The following HOOK1 variants were observed in gnomAD, a reference collection of about 807,000 sequenced individuals.
HOOK1 encodes hook microtubule tethering protein 1, also known as protein Hook homolog 1.
Under a neutral mutation model 112.8 loss-of-function variants are expected in HOOK1, and 60 were observed. The ratio of observed to expected loss-of-function variants is 0.53; its 90% CI spans 0.43 to 0.66. HOOK1 has a LOEUF of 0.66. HOOK1 is among the 30% of genes least tolerant of loss of function. The pLI, the probability that HOOK1 is intolerant of heterozygous loss-of-function variation, is 0.00. For missense variants in HOOK1, 770 were observed against 856.0 expected (o/e 0.90, Z 1.25); for synonymous variants, 294 against 283.8 (o/e 1.04, Z -0.36).
At chr1:59,871,675 A>G (rs1644057200) in intron 21 of HOOK1, among the ~76,000 whole-genome samples, 3 of 152,196 alleles carry the variant, frequency 2.0e-5, no homozygotes, top group Non-Finnish European at 4.4e-5. Flanking sequence ...TATTTTCAAG[A>G]GTAGCATTTC....
At chr1:59,857,627 C>T (rs2098411414) in intron 12 of HOOK1, among the ~76,000 whole-genome samples, 1 of 152,180 alleles carries the variant, frequency 6.6e-6, no homozygotes, top group Middle Eastern at 3.2e-3. Flanking sequence ...TACCAGTTTA[C>T]TGCTAAATTG....
At chr1:59,842,782 AG>A in intron 8 of HOOK1, among the ~76,000 whole-genome samples, 1 of 152,148 alleles carries the variant, frequency 6.6e-6, no homozygotes, top group Non-Finnish European at 1.5e-5. Flanking sequence ...GAAAAGAAGT[AG>A]AACCAGGAGA....
chr1:59,816,610 A>G (rs1402013818), intron 1 of HOOK1, among the ~76,000 whole-genome samples: 1 of 152,242 alleles, frequency 6.6e-6, no homozygotes, highest in East Asian at 1.9e-4. Flanking sequence ...TTAAAATATT[A>G]TGTGACTGTA....
chr1:59,862,569 A>G (rs927799962), intron 15 of HOOK1, among the ~76,000 whole-genome samples: 11 of 152,198 alleles, frequency 7.2e-5, no homozygotes, highest in African/African-American at 2.4e-4. Flanking sequence ...ATGTAGGCAT[A>G]TATACTTTCA....
Position 59,858,523 on chromosome 1 carries a change from T to A in HOOK1, c.1330+8T>A, listed in dbSNP as rs1175386989. ...ACCACCTAAACCAAACAGGTTAATT[T>A]TGTTAGATTTAGAAAAGTTTCAGCC... is the stretch of plus-strand genomic sequence containing the variant. On this transcript the variant is annotated splice_region_variant and intron_variant, in intron 13 of 21. Coordinates refer to ENST00000371208, the MANE Select transcript of HOOK1 (RefSeq NM_015888.6). The A allele has an allele frequency of 6.3e-7, 1 of 1,591,946 alleles. No homozygotes were observed. Among genetic ancestry groups the A allele is most frequent in the South Asian group, 1.1e-5 (1 of 90,618 alleles).
intron 6 of HOOK1, among the ~76,000 whole-genome samples, chr1:59,835,938 C>T (rs954976724): frequency 1.3e-5 from 2 of 152,150 alleles, no homozygotes; most frequent in Admixed American, 1.3e-4. Flanking sequence ...GGACTGGTGC[C>T]AGTCCATGGC....
chr1:59,842,820 G>T (rs1368618250), intron 8 of HOOK1, among the ~76,000 whole-genome samples: 1 of 151,846 alleles, frequency 6.6e-6, no homozygotes, highest in African/African-American at 2.4e-5. Context: ...TTAAAAATAT[G>T]AATAAAAAAA....
chr1:59,850,551 G>T (rs2098406623), intron 12 of HOOK1, among the ~76,000 whole-genome samples: 1 of 151,388 alleles, frequency 6.6e-6, no homozygotes, highest in Non-Finnish European at 1.5e-5. Flanking sequence ...TGTGAGGTAG[G>T]CATCTGGCTT....
chr1:59,815,510 A>G (rs1387551421), intron 1 of HOOK1, among the ~76,000 whole-genome samples: 1 of 150,390 alleles, frequency 6.6e-6, no homozygotes, highest in Admixed American at 6.6e-5. Context: ...CCGCTGCCCC[A>G]TTTTCTCCCC....
intron 15 of HOOK1, among the ~76,000 whole-genome samples, chr1:59,861,980 C>T (rs2098413864): frequency 6.6e-6 from 1 of 152,068 alleles, no homozygotes; most frequent in South Asian, 2.1e-4. Context: ...TCTGAAGAGA[C>T]CATTAAATAT....
Position 59,859,003 on chromosome 1 carries a change from G to C in HOOK1, c.1349G>C (p.Ser450Thr), listed in dbSNP as rs1442427915. Residue 450 changes from serine (S) to threonine (T), a missense_variant, in exon 14 of 22, where the codon AGT becomes ACT. By Grantham distance (58) the Ser-to-Thr change is moderately conservative. This residue lies in a region of HOOK1 where 655 missense variants were observed against 725.9 expected (regional missense o/e 0.90). Coordinates refer to ENST00000371208, the MANE Select transcript of HOOK1 (RefSeq NM_015888.6). ...TTTTTAGATGCATCTGCTACAAAAA[G>C]TTATGAGAATCTTGCTGCTGAGATT... is the stretch of plus-strand genomic sequence containing the variant. The part of the protein sequence containing the change: ...LNQTDASATK[S>T]YENLAAEIMP... The C allele has an allele frequency of 6.3e-7, 1 of 1,576,344 alleles. No individual in the cohort carries two copies. Among genetic ancestry groups the C allele is most frequent in the Non-Finnish European group, 8.7e-7 (1 of 1,149,754 alleles).
At chr1:59,829,157 CATATA>C (rs150779334) in intron 3 of HOOK1, among the ~76,000 whole-genome samples, 2,403 of 152,134 alleles carry the variant, frequency 0.016, 73 homozygotes, top group African/African-American at 0.055. Context: ...TAAATTGAAT[CATATA>C]ATATGTACTC....
intron 4 of HOOK1, among the ~76,000 whole-genome samples, chr1:59,832,596 A>G (rs1408227966): frequency 2.0e-5 from 3 of 152,154 alleles, no homozygotes; most frequent in Admixed American, 1.3e-4. Context: ...GATTATGCTC[A>G]TACAAGTAAA....
chr1:59,849,242 C>T (rs1383467609), intron 12 of HOOK1, 59 bp downstream of exon 12: 2 of 1,118,402 alleles, frequency 1.8e-6, no homozygotes, highest in Non-Finnish European at 2.6e-6. Context: ...TTGTAATGCC[C>T]TTGCTGTTTC....
At chr1:59,820,611 T>C (rs987442995) in intron 1 of HOOK1, among the ~76,000 whole-genome samples, 12 of 152,194 alleles carry the variant, frequency 7.9e-5, no homozygotes, top group African/African-American at 2.7e-4. Context: ...CTCTAGACCT[T>C]CCATTCAGAA....
chr1:59,848,041 T>C lies in HOOK1; in HGVS notation c.930-274T>C, dbSNP rs1297657231. On this transcript the variant is annotated intron_variant, in intron 10 of 21. Transcript: ENST00000371208. Reference sequence around the variant, plus strand: ...AATCATTATTTTTTATTCATTGTGCTAATATATGAAACAGTTTGATAAATT... The same window carrying C: ...AATCATTATTTTTTATTCATTGTGCCAATATATGAAACAGTTTGATAAATT... 2.6e-5 allele frequency among the ~76,000 whole-genome samples: 4 copies of C among 151,696 alleles called. No individual in the cohort carries two copies. The Admixed American group carries it at 2.6e-4, about 10-fold the overall frequency.
intron 15 of HOOK1, among the ~76,000 whole-genome samples, 198 bp downstream of exon 15, chr1:59,860,526 A>G: frequency 6.6e-6 from 1 of 152,250 alleles, no homozygotes. Context: ...TTTCAGTTAT[A>G]TTTATAAAAT....
intron 2 of HOOK1, among the ~76,000 whole-genome samples, chr1:59,823,259 A>G (rs897083136): frequency 6.5e-4 from 99 of 152,298 alleles, no homozygotes; most frequent in Admixed American, 9.8e-4. Flanking sequence ...GGCGGAGCTC[A>G]CAGTGAGCCG....
intron 7 of HOOK1, among the ~76,000 whole-genome samples, chr1:59,838,355 T>C (rs2098399111): frequency 6.6e-6 from 1 of 152,184 alleles, no homozygotes; most frequent in South Asian, 2.1e-4. Context: ...CTCCAGTATC[T>C]GTTGTTTCCT....
Sources: allele counts gnomAD v4.1 joint callset (sites outside exome capture counted in the v4.1 genomes callset), GRCh38; gene constraint gnomAD v4.1.1; regional missense constraint gnomAD v4.1.1; transcripts MANE v1.5; gene names NCBI Gene and HGNC (gene_info 2026-07-23, HGNC 2026-07-21).